NELL2: variants seen among roughly 807,000 people sequenced by gnomAD.
The protein encoded by NELL2 is protein kinase C-binding protein NELL2.
In NELL2, 41 loss-of-function variants were observed where a neutral mutation model predicts 109.6. That is an observed-to-expected ratio of 0.37 (90% confidence interval 0.29 to 0.49). NELL2 has a LOEUF of 0.49. Ranked by LOEUF, NELL2 falls within the 20% of genes least tolerant of loss-of-function variation. The probability of loss-of-function intolerance (pLI) is 0.98; values close to 1 mark genes in which losing one functional copy is unlikely to be tolerated. For synonymous variants in NELL2, 355 were observed against 344.7 expected, an observed-to-expected ratio of 1.03 and a Z score of -0.33; for missense variants, 900 against 1,008.3, an observed-to-expected ratio of 0.89 and a Z score of 1.45.
chr12:44,658,401 T>G (rs927302810), intron 13 of NELL2, among the ~76,000 whole-genome samples: 34 of 152,084 alleles, frequency 2.2e-4, no homozygotes, highest in African/African-American at 8.0e-4. Context: ...GTGAAGGACC[T>G]CTTCAAGGAA....
At chr12:44,616,572 G>T (rs140411029) in intron 13 of NELL2, among the ~76,000 whole-genome samples, 46 of 152,280 alleles carry the variant, frequency 3.0e-4, no homozygotes, top group African/African-American at 1.1e-3. Flanking sequence ...AAAGAGGTAT[G>T]AATTGCTCTT....
At chr12:44,816,848 T>A (rs1943368744) in intron 2 of NELL2, among the ~76,000 whole-genome samples, 1 of 152,234 alleles carries the variant, frequency 6.6e-6, no homozygotes, top group African/African-American at 2.4e-5. Context: ...TTTAGCCTTG[T>A]ACTCCAACCT....
intron 13 of NELL2, among the ~76,000 whole-genome samples, chr12:44,638,625 T>C (rs1232610602): frequency 6.6e-6 from 1 of 152,154 alleles, no homozygotes; most frequent in Non-Finnish European, 1.5e-5. Context: ...AGATATCCCA[T>C]ATTTTGAGTT....
chr12:44,782,298 T>G (rs1171468170), intron 3 of NELL2, among the ~76,000 whole-genome samples: 1 of 150,170 alleles, frequency 6.7e-6, no homozygotes, highest in Non-Finnish European at 1.5e-5. Context: ...ACAGATAAAA[T>G]GAAATTGTAA....
chr12:44,827,952 C>T (rs952126117), intron 2 of NELL2, among the ~76,000 whole-genome samples: 2 of 152,160 alleles, frequency 1.3e-5, no homozygotes, highest in African/African-American at 4.8e-5. Context: ...GTTCCCTTTT[C>T]TCTACATTCT....
intron 2 of NELL2, among the ~76,000 whole-genome samples, chr12:44,842,008 A>G (rs1056167942): frequency 6.6e-6 from 1 of 151,444 alleles, no homozygotes; most frequent in Non-Finnish European, 1.5e-5. Flanking sequence ...AATTAAATAG[A>G]ATGCAAAGGG....
chr12:44,846,532 C>G (rs988312234), intron 2 of NELL2, among the ~76,000 whole-genome samples: 1 of 152,198 alleles, frequency 6.6e-6, no homozygotes, highest in Non-Finnish European at 1.5e-5. Flanking sequence ...CTACTGCACC[C>G]TATTGCATTT....
chr12:44,702,441 A>G (rs1027968903), intron 12 of NELL2, among the ~76,000 whole-genome samples: 1 of 152,206 alleles, frequency 6.6e-6, no homozygotes, highest in Non-Finnish European at 1.5e-5. Flanking sequence ...AAATTTAAAA[A>G]AAAGCAATAA....
At chr12:44,729,431 A>C (rs990178391) in intron 9 of NELL2, among the ~76,000 whole-genome samples, 1 of 152,160 alleles carries the variant, frequency 6.6e-6, no homozygotes, top group Non-Finnish European at 1.5e-5. Context: ...ACAACAAAGG[A>C]GAAAAAGCAG....
At chr12:44,882,576 G>A (rs116543617) in intron 1 of NELL2, among the ~76,000 whole-genome samples, 2,100 of 151,436 alleles carry the variant, frequency 0.014, 74 homozygotes, top group African/African-American at 0.048. Context: ...CACTCAGGCC[G>A]GAATGCAGTG....
intron 9 of NELL2, among the ~76,000 whole-genome samples, chr12:44,762,819 G>A (rs1438223039): frequency 1.3e-5 from 2 of 152,104 alleles, no homozygotes; most frequent in Non-Finnish European, 2.9e-5. Context: ...TATTTCAGGT[G>A]CTTTATCAAC....
intron 3 of NELL2, among the ~76,000 whole-genome samples, chr12:44,803,806 T>C (rs908585908): frequency 6.6e-6 from 1 of 151,926 alleles, no homozygotes; most frequent in Non-Finnish European, 1.5e-5. Context: ...TACTAACAAA[T>C]ATATTTCCAA....
At chr12:44,737,565 C>T (rs2136488039) in intron 9 of NELL2, among the ~76,000 whole-genome samples, 1 of 151,990 alleles carries the variant, frequency 6.6e-6, no homozygotes, top group Admixed American at 6.5e-5. Flanking sequence ...CTTCTTATTG[C>T]TCTGTAATAA....
At chr12:44,670,548 T>C (rs1020224767) in intron 12 of NELL2, among the ~76,000 whole-genome samples, 1 of 143,672 alleles carries the variant, frequency 7.0e-6, no homozygotes, top group African/African-American at 2.6e-5. Flanking sequence ...AAAAACAAGA[T>C]GCAAGTACAA....
chr12:44,696,189 C>T (rs541732014), intron 12 of NELL2, among the ~76,000 whole-genome samples: 4 of 152,164 alleles, frequency 2.6e-5, no homozygotes, highest in African/African-American at 7.2e-5. Flanking sequence ...TTGATATAAA[C>T]GATGAAGTTT....
At chr12:44,622,687 A>G (rs2136273822) in intron 13 of NELL2, among the ~76,000 whole-genome samples, 2 of 152,286 alleles carry the variant, frequency 1.3e-5, no homozygotes, top group South Asian at 4.1e-4. Flanking sequence ...ATCAGATACT[A>G]CTTTCTGACC....
rs374924938 is a variant in NELL2 at position 44,708,216 on chromosome 12, G to A, written c.1189+3076C>T. 9.2e-5 allele frequency among the ~76,000 whole-genome samples: 14 copies of A among 152,226 alleles called. No homozygotes were observed. In the East Asian group the frequency reaches 2.3e-3, roughly 25 times the overall value. On this transcript the variant is annotated intron_variant, in intron 11 of 19. Transcript: ENST00000429094. ...AAGGGCTCTCTAATTTGAAAAAAGC[G>A]GAAAACTTTTCTGCTACATTTCTTC...
intron 13 of NELL2, among the ~76,000 whole-genome samples, chr12:44,658,588 T>C (rs920947317): frequency 6.6e-6 from 1 of 151,974 alleles, no homozygotes; most frequent in Non-Finnish European, 1.5e-5. Flanking sequence ...TAGAAAAAAC[T>C]AGTTTAAATT....
At chr12:44,597,370 T>G (rs940966915) in intron 15 of NELL2, among the ~76,000 whole-genome samples, 3 of 152,220 alleles carry the variant, frequency 2.0e-5, no homozygotes, top group Non-Finnish European at 4.4e-5. Context: ...TATGCTTCCA[T>G]TTGCTGATAG....
Sources: allele counts gnomAD v4.1 joint callset (sites outside exome capture counted in the v4.1 genomes callset), GRCh38; gene constraint gnomAD v4.1.1; transcripts MANE v1.5; gene names NCBI Gene and HGNC (gene_info 2026-07-23, HGNC 2026-07-21).